ATXN1: variants seen among roughly 807,000 people sequenced by gnomAD.
The protein encoded by ATXN1 is ataxin-1.
Under a neutral mutation model 56.4 loss-of-function variants are expected in ATXN1, and 8 were observed. That is an observed-to-expected ratio of 0.14 (90% CI 0.08 to 0.26). The LOEUF (loss-of-function observed/expected upper bound fraction) is 0.26, where lower values mean the gene tolerates loss of function less well. Among genes scored for constraint, ATXN1 ranks in the 10% least tolerant of loss-of-function variants. The pLI, the probability that ATXN1 is intolerant of heterozygous loss-of-function variation, is 1.00. For synonymous variants in ATXN1, 514 were observed against 494.6 expected (o/e 1.04, Z -0.52); for missense variants, 987 against 1,106.5 (o/e 0.89, Z 1.53).
chr6:16,326,440 G>T lies in ATXN1; in HGVS notation c.1871C>A (p.Pro624Gln). 6.2e-7 allele frequency: 1 copy of T among 1,614,076 alleles called. No homozygotes were observed. Among genetic ancestry groups the T allele is most frequent in the Non-Finnish European group, 8.5e-7 (1 of 1,179,978 alleles). Residue 624 changes from proline to glutamine, a missense_variant, in exon 7 of 8, where the codon CCG (proline) becomes CAG (glutamine). Pro to Gln is a moderately conservative substitution (Grantham distance 76, BLOSUM62 -1). Coordinates refer to ENST00000436367, the MANE Select transcript of ATXN1 (RefSeq NM_001128164.2). The surrounding 1 kb of genome is among the most constrained non-coding windows in gnomAD (Gnocchi z 6.6). ...TVERIEDSHS[P>Q]GVAVIQFAVG... is the part of the protein sequence containing the mutation. ...GGCGAACTGTATCACGGCCACGCCCGGGCTATGGCTGTCTTCAATCCTCTC... is the reference window on the plus strand; with the variant it reads ...GGCGAACTGTATCACGGCCACGCCCTGGCTATGGCTGTCTTCAATCCTCTC...
intron 6 of ATXN1, among the ~76,000 whole-genome samples, chr6:16,336,191 G>T (rs1164394128): frequency 6.6e-6 from 1 of 152,188 alleles, no homozygotes; most frequent in East Asian, 1.9e-4. Context: ...AGGCCATACA[G>T]TCAGAGGTAG....
chr6:16,341,356 T>C (rs889430400), intron 6 of ATXN1, among the ~76,000 whole-genome samples: 2 of 152,046 alleles, frequency 1.3e-5, no homozygotes, highest in African/African-American at 4.8e-5. Context: ...TGACGGCACA[T>C]CAGACTCACC....
chr6:16,497,908 C>T (rs2113670296), intron 5 of ATXN1, among the ~76,000 whole-genome samples: 1 of 152,192 alleles, frequency 6.6e-6, no homozygotes, highest in East Asian at 1.9e-4. Context: ...AATGGAATCA[C>T]AAAGGGTAAA....
chr6:16,405,383 AT>A (rs1438586118), intron 6 of ATXN1, among the ~76,000 whole-genome samples: 2 of 152,010 alleles, frequency 1.3e-5, no homozygotes, highest in Non-Finnish European at 2.9e-5. Context: ...CTTTATTTAA[AT>A]TTTCCAGCCT....
At chr6:16,355,189 G>C (rs1284192201) in intron 6 of ATXN1, among the ~76,000 whole-genome samples, 2 of 152,186 alleles carry the variant, frequency 1.3e-5, no homozygotes, top group Non-Finnish European at 2.9e-5. Context: ...GCCTGGGCTT[G>C]CTTCAGTTTG....
intron 6 of ATXN1, among the ~76,000 whole-genome samples, chr6:16,457,533 T>A (rs1759903160): frequency 6.6e-6 from 1 of 152,154 alleles, no homozygotes; most frequent in African/African-American, 2.4e-5. Flanking sequence ...TTTTCTGCAC[T>A]ACGGTCTGGC....
intron 3 of ATXN1, among the ~76,000 whole-genome samples, chr6:16,638,540 C>T (rs890418576): frequency 5.9e-5 from 9 of 151,772 alleles, no homozygotes; most frequent in South Asian, 2.1e-4. Flanking sequence ...GACGCCTTGA[C>T]GCTGAAGTGT....
intron 6 of ATXN1, among the ~76,000 whole-genome samples, chr6:16,364,885 G>C (rs1761886170): frequency 6.6e-6 from 1 of 152,198 alleles, no homozygotes; most frequent in African/African-American, 2.4e-5. Flanking sequence ...CTCCTTCAAG[G>C]AGCTTCCAGT....
intron 4 of ATXN1, among the ~76,000 whole-genome samples, chr6:16,553,014 A>G (rs2048596364): frequency 6.6e-6 from 1 of 152,246 alleles, no homozygotes; most frequent in Admixed American, 6.5e-5. Context: ...CACAGATACC[A>G]TGACTTTCCA....
At chr6:16,726,197 A>G (rs947153489) in intron 2 of ATXN1, among the ~76,000 whole-genome samples, 2 of 152,132 alleles carry the variant, frequency 1.3e-5, no homozygotes, top group African/African-American at 4.8e-5. Flanking sequence ...CCTGGCCAAC[A>G]TGGCAAAACC....
intron 4 of ATXN1, among the ~76,000 whole-genome samples, chr6:16,573,855 C>T (rs1478000337): frequency 6.6e-6 from 1 of 152,156 alleles, no homozygotes; most frequent in Non-Finnish European, 1.5e-5. Flanking sequence ...AGGTCCCTGT[C>T]AGGCTTTGCT....
At chr6:16,705,187 G>C (rs941599735) in intron 2 of ATXN1, among the ~76,000 whole-genome samples, 5 of 152,206 alleles carry the variant, frequency 3.3e-5, no homozygotes, top group African/African-American at 1.2e-4. Flanking sequence ...AGGGATCAGA[G>C]GGTGAGCAAA....
intron 3 of ATXN1, among the ~76,000 whole-genome samples, chr6:16,586,507 G>A (rs918828924): frequency 2.0e-5 from 3 of 152,190 alleles, no homozygotes; most frequent in African/African-American, 7.2e-5. Context: ...CATGTGCTAA[G>A]GGCTTTACAC....
intron 3 of ATXN1, among the ~76,000 whole-genome samples, chr6:16,642,067 G>A (rs1315011055): frequency 6.6e-6 from 1 of 152,184 alleles, no homozygotes; most frequent in Admixed American, 6.5e-5. Flanking sequence ...CAGCAGATGA[G>A]GAGTTGCCTC....
chr6:16,387,462 A>G (rs1191114037), intron 6 of ATXN1, among the ~76,000 whole-genome samples: 1 of 152,204 alleles, frequency 6.6e-6, no homozygotes. Flanking sequence ...TGGGTACAGA[A>G]GTCAAACTCA....
intron 2 of ATXN1, among the ~76,000 whole-genome samples, chr6:16,659,580 C>A (rs1758276307): frequency 6.6e-6 from 1 of 152,078 alleles, no homozygotes; most frequent in Non-Finnish European, 1.5e-5. Context: ...ACCTGCTGAC[C>A]CAGGGAGGTT....
intron 4 of ATXN1, among the ~76,000 whole-genome samples, chr6:16,537,374 C>T (rs1405853273): frequency 6.6e-6 from 1 of 152,072 alleles, no homozygotes; most frequent in Non-Finnish European, 1.5e-5. Flanking sequence ...GCTCACCCTC[C>T]GAGAAGGACT....
chr6:16,334,026 C>T (rs192774331), intron 6 of ATXN1, among the ~76,000 whole-genome samples: 2 of 152,240 alleles, frequency 1.3e-5, no homozygotes, highest in Middle Eastern at 3.4e-3. Context: ...ACACTCATTC[C>T]GTTTCTAGTA....
intron 3 of ATXN1, among the ~76,000 whole-genome samples, chr6:16,629,975 T>C (rs1348660845): frequency 6.6e-6 from 1 of 152,156 alleles, no homozygotes; most frequent in Non-Finnish European, 1.5e-5. Context: ...TGTATAACCT[T>C]CTTCTGGAAA....
Sources: gnomAD v4.1 joint callset for allele counts (sites outside exome capture counted in the v4.1 genomes callset) on GRCh38, gnomAD v4.1.1 for gene constraint, Gnocchi (gnomAD v3.1) non-coding constraint, MANE v1.5 for transcripts, NCBI Gene and HGNC (gene_info 2026-07-23, HGNC 2026-07-21) for gene names.